The following CCDC83 variants were observed in gnomAD, a reference collection of about 807,000 sequenced individuals.
CCDC83 encodes coiled-coil domain-containing protein 83.
CCDC83 carries 54 observed loss-of-function variants against 50.1 expected under a neutral mutation model. That is an observed-to-expected ratio of 1.08 (90% confidence interval 0.87 to 1.35). The LOEUF is 1.35. Among genes scored for constraint, CCDC83 ranks in the 40% most tolerant of loss-of-function variants. The pLI, the probability that CCDC83 is intolerant of heterozygous loss-of-function variation, is 0.00. For synonymous variants in CCDC83, 161 were observed against 153.3 expected (o/e 1.05, Z -0.37); for missense variants, 518 against 473.9 (o/e 1.09, Z -0.86).
chr11:85,885,151 T>G (rs985951197), intron 4 of CCDC83, among the ~76,000 whole-genome samples: 6 of 151,832 alleles, frequency 4.0e-5, no homozygotes, highest in Admixed American at 3.9e-4. Flanking sequence ...GAGGTGGAGG[T>G]TGCAGTGAGC....
chr11:85,915,916 T>G, intron 9 of CCDC83, 112 bp from the exon 10 acceptor site: 1 of 736,074 alleles, frequency 1.4e-6, no homozygotes, highest in Non-Finnish European at 2.3e-6. Flanking sequence ...AAATTCTACA[T>G]TTGCAATTCT....
intron 7 of CCDC83, among the ~76,000 whole-genome samples, chr11:85,905,268 C>A (rs926098128): frequency 6.6e-5 from 10 of 151,532 alleles, no homozygotes; most frequent in African/African-American, 2.2e-4. Context: ...CATGGAGAAA[C>A]CCCGTCTCTA....
intron 3 of CCDC83, among the ~76,000 whole-genome samples, chr11:85,877,204 T>C (rs2093274017): frequency 6.6e-6 from 1 of 152,226 alleles, no homozygotes; most frequent in African/African-American, 2.4e-5. Flanking sequence ...GCACAGTGGC[T>C]CATGCCTGTA....
intron 5 of CCDC83, 29 bp from the exon 6 acceptor site, chr11:85,895,264 C>CTTTTTTT (rs10594256): frequency 7.7e-5 from 28 of 363,088 alleles, no homozygotes; most frequent in Non-Finnish European, 8.0e-5. Flanking sequence ...TTTTAATTTT[C>CTTTTTTT]TTTTTTTTTT....
chr11:85,873,323 T>TAG (rs781467986), intron 3 of CCDC83, 28 bp downstream of exon 3: 1 of 917,302 alleles, frequency 1.1e-6, no homozygotes, highest in South Asian at 1.8e-5. Context: ...AACCTATATA[T>TAG]AGTCATTAAA....
At position 85,879,421 on chromosome 11, in the gene CCDC83, C is replaced by T. The variant is rs79830701; in HGVS notation, c.181-3092C>T. On this transcript the variant is annotated intron_variant, in intron 3 of 10. Transcript: ENST00000342404. ...TTTCCTGCATTGAATTGCTCTCATA[C>T]CTTTGTCAAAAATCAGTTCGACATT... Among the ~76,000 whole-genome samples, 28 of 152,078 alleles carry T rather than the reference C, an allele frequency of 1.8e-4. No homozygotes were observed. In the East Asian group the frequency reaches 5.4e-3, roughly 29 times the overall value.
Position 85,882,611 on chromosome 11 carries a change from G to A in CCDC83, c.279G>A (p.Glu93=). Reference sequence around the variant, plus strand: ...AGGGATTGCCAGTTGTAACAAGAGAGGATGTTGAAGAAGCGATGAAGGAAA... The same window carrying A: ...AGGGATTGCCAGTTGTAACAAGAGAAGATGTTGAAGAAGCGATGAAGGAAA... ...KAEGLPVVTR[E]DVEEAMKEKW... The change falls in exon 4 of 11, where the codon GAG becomes GAA. Residue 93 remains glutamate (E), a synonymous_variant. Transcript: ENST00000342404. 6.2e-7 allele frequency: 1 copy of A among 1,614,034 alleles called. No homozygotes were observed. The highest frequency in any genetic ancestry group is 8.5e-7 in the Non-Finnish European group (1 of 1,179,946).
At chr11:85,916,765 C>A (rs1201914620) in intron 10 of CCDC83, 1 of 154,190 alleles carries the variant, frequency 6.5e-6, no homozygotes, top group African/African-American at 2.4e-5. Flanking sequence ...TTTTGAATTT[C>A]TTTTGTTATA....
Position 85,895,264 on chromosome 11 carries a change from C to CTTTTT in CCDC83, c.512-9_512-5dup, listed in dbSNP as rs10594256. On this transcript the variant is annotated intron_variant, in intron 5 of 10. Coordinates refer to ENST00000342404, the MANE Select transcript of CCDC83 (RefSeq NM_001286159.2). ...CATGCTTGATAAGGCTTTTAATTTT[C>CTTTTT]TTTTTTTTTTTTTTTTTTTTTTTTA... 9.1e-4 allele frequency: 330 copies of CTTTTT among 362,952 alleles called. 5 individuals are homozygous for CTTTTT. The highest frequency in any genetic ancestry group is 1.1e-3 in the Non-Finnish European group (232 of 213,152). The allele number at this position is 362,952 out of a possible 1,614,324, so 22.5% of individuals were successfully genotyped here.
chr11:85,896,063 T>C (rs1281672429), intron 6 of CCDC83, among the ~76,000 whole-genome samples: 1 of 152,230 alleles, frequency 6.6e-6, no homozygotes, highest in Admixed American at 6.5e-5. Flanking sequence ...TTTCAGATTT[T>C]GGATTTTTTC....
chr11:85,876,614 C>T lies in CCDC83; in HGVS notation c.180+3319C>T, dbSNP rs187649769. 8.8e-4 allele frequency among the ~76,000 whole-genome samples: 134 copies of T among 152,336 alleles called. 1 individual carries two copies. Among genetic ancestry groups the T allele is most frequent in the African/African-American group, 2.9e-3 (121 of 41,576 alleles). ...CCACCTCCCAGTTTCGAGGGATTCT[C>T]GTGCCTCAGCCACCCAAATAGCTGG... On this transcript the variant is annotated intron_variant, in intron 3 of 10. Transcript: ENST00000342404.
chr11:85,887,506 C>A lies in CCDC83; in HGVS notation c.511+1139C>A, dbSNP rs145076454. Among the ~76,000 whole-genome samples, 569 of 152,232 alleles carry A rather than the reference C, an allele frequency of 3.7e-3. 5 individuals carry two copies. Among genetic ancestry groups the A allele is most frequent in the African/African-American group, 0.013 (533 of 41,538 alleles). On this transcript the variant is annotated intron_variant, in intron 5 of 10. Transcript: ENST00000342404. ...CACCACAGTGGTGGTGTAAACTTGG[C>A]CCCATATCAGTCTGGGCATGAAGTT...
intron 3 of CCDC83, among the ~76,000 whole-genome samples, chr11:85,878,926 G>A (rs2093283620): frequency 6.6e-6 from 1 of 152,002 alleles, no homozygotes; most frequent in African/African-American, 2.4e-5. Flanking sequence ...TTCCCTAGTG[G>A]CTAATGATGT....
intron 5 of CCDC83, among the ~76,000 whole-genome samples, chr11:85,888,568 A>C (rs1197559616): frequency 1.3e-5 from 2 of 152,192 alleles, no homozygotes; most frequent in Non-Finnish European, 2.9e-5. Flanking sequence ...ATTTGTCATT[A>C]GTTTTTTTGT....
At chr11:85,913,630 G>C (rs957736243) in intron 8 of CCDC83, among the ~76,000 whole-genome samples, 16 of 152,228 alleles carry the variant, frequency 1.1e-4, no homozygotes, top group African/African-American at 3.9e-4. Context: ...CTATTTGGAT[G>C]AGGAATGGGA....
chr11:85,917,158 G>GAAAGAAAGAAAGAAAGAA (rs1202011090), intron 10 of CCDC83, among the ~76,000 whole-genome samples: 24 of 66,846 alleles, frequency 3.6e-4, no homozygotes, highest in African/African-American at 9.5e-4. Context: ...GAGAGAGAGA[G>GAAAGAAAGAAAGAAAGAA]AGAGAGAGAG....
intron 5 of CCDC83, 24 bp downstream of exon 5, chr11:85,886,391 A>C: frequency 1.3e-6 from 2 of 1,553,368 alleles, no homozygotes; most frequent in Non-Finnish European, 1.7e-6. Flanking sequence ...AAACTAGTTC[A>C]AGTTCAGTAA....
chr11:85,905,442 C>CA (rs141344643), intron 7 of CCDC83, among the ~76,000 whole-genome samples: 38,655 of 105,968 alleles, frequency 0.36, 6,728 homozygotes, highest in Middle Eastern at 0.41. Context: ...AACTCCGCCT[C>CA]AAAAAAAAAA....
chr11:85,881,190 G>T (rs1046163123), intron 3 of CCDC83, among the ~76,000 whole-genome samples: 4 of 152,006 alleles, frequency 2.6e-5, no homozygotes. Context: ...CCAACATGGT[G>T]AAATCCCGTC....
Sources: allele counts gnomAD v4.1 joint callset (sites outside exome capture counted in the v4.1 genomes callset), GRCh38; gene constraint gnomAD v4.1.1; transcripts MANE v1.5; gene names NCBI Gene and HGNC (gene_info 2026-07-23, HGNC 2026-07-21).